Variants in ASS1 observed in about 807,000 individuals in gnomAD.
The protein encoded by ASS1 is argininosuccinate synthase 1, also known as argininosuccinate synthase.
In ASS1, 58 loss-of-function variants were observed where a neutral mutation model predicts 60.5. The ratio of observed to expected loss-of-function variants is 0.96; its 90% CI spans 0.78 to 1.19. ASS1 has a LOEUF of 1.19. ASS1 is among the 50% of genes most tolerant of loss of function. The probability of loss-of-function intolerance (pLI) is 0.00; values close to 1 mark genes in which losing one functional copy is unlikely to be tolerated. For missense variants in ASS1, 454 were observed against 547.3 expected, an observed-to-expected ratio of 0.83 and a Z score of 1.70; for synonymous variants, 200 against 206.9, an observed-to-expected ratio of 0.97 and a Z score of 0.29.
chr9:130,476,470 G>T lies in ASS1; in HGVS notation c.598-401G>T. The T allele has an allele frequency of 3.5e-6, 1 of 287,230 alleles. No homozygotes were observed. The highest frequency in any genetic ancestry group is 2.2e-5 in the African/African-American group (1 of 46,494). The allele number at this position is 287,230 out of a possible 1,614,324, so 17.8% of individuals were successfully genotyped here. A position where few individuals can be genotyped will look rare whatever the true frequency, so the allele number is the denominator to read the frequency against. Reference sequence around the variant, plus strand: ...GGGGTCACAGGCAGTCATTAGCTTTGCGGTCAGTGCAGAATAAACCCCAAT... The same window carrying T: ...GGGGTCACAGGCAGTCATTAGCTTTTCGGTCAGTGCAGAATAAACCCCAAT... On this transcript the variant is annotated intron_variant, in intron 8 of 14. Transcript: ENST00000352480. This position sits in a 1 kb window ranked among gnomAD's most constrained non-coding sequence, Gnocchi z 4.9.
At chr9:130,454,946 C>T (rs1047016308) in intron 3 of ASS1, among the ~76,000 whole-genome samples, 2 of 149,422 alleles carry the variant, frequency 1.3e-5, no homozygotes, top group African/African-American at 4.9e-5. Flanking sequence ...TCCATCCATC[C>T]ATCATCCATC....
At chr9:130,469,220 C>T (rs971287506) in intron 6 of ASS1, among the ~76,000 whole-genome samples, 1 of 152,198 alleles carries the variant, frequency 6.6e-6, no homozygotes, top group Non-Finnish European at 1.5e-5. Flanking sequence ...GCACAGGGTC[C>T]GGGTACCCAT....
At chr9:130,445,965 G>C (rs938657209) in intron 1 of ASS1, among the ~76,000 whole-genome samples, 1 of 152,210 alleles carries the variant, frequency 6.6e-6, no homozygotes, top group Non-Finnish European at 1.5e-5. Context: ...GGGAGAGCTG[G>C]TGAGGCCTTG....
In ASS1 at chr9:130,459,164, G is replaced by A. The variant is rs1470255588; in HGVS notation, c.363+575G>A. On this transcript the variant is annotated intron_variant, in intron 4 of 14. Coordinates refer to ENST00000352480, the MANE Select transcript of ASS1 (RefSeq NM_054012.4). This position sits in a 1 kb window ranked among gnomAD's most constrained non-coding sequence, Gnocchi z 4.6. ...TGGTTCTGGAGGCCTGAGGTCCATA[G>A]TGAGGGCATGGGCAGGGCCACGCAG... Among the ~76,000 whole-genome samples, 1 of 152,184 alleles carries A rather than the reference G, an allele frequency of 6.6e-6. No individual in the cohort carries two copies. The highest frequency in any genetic ancestry group is 1.9e-4 in the East Asian group (1 of 5,186).
intron 1 of ASS1, among the ~76,000 whole-genome samples, chr9:130,449,721 C>G (rs770351054): frequency 2.6e-5 from 4 of 152,176 alleles, no homozygotes; most frequent in Admixed American, 6.5e-5. Flanking sequence ...TTTCCTGACT[C>G]TAAAATGAAG....
At chr9:130,464,283 C>G in intron 5 of ASS1, 116 bp downstream of exon 5, 1 of 1,310,150 alleles carries the variant, frequency 7.6e-7, no homozygotes, top group South Asian at 1.2e-5. Flanking sequence ...TCCTCCGTGG[C>G]AGGGGTGCCC....
chr9:130,486,111 C>T lies in ASS1; in HGVS notation c.839-3222C>T, dbSNP rs368145422. Among the ~76,000 whole-genome samples, 45 of 152,246 alleles carry T rather than the reference C, an allele frequency of 3.0e-4. 1 individual carries two copies. The South Asian group carries it at 9.1e-3, about 31-fold the overall frequency. On this transcript the variant is annotated intron_variant, in intron 11 of 14. Transcript: ENST00000352480. ...CAGCAATCCTCCCACCTAGCATACA[C>T]CACCACACCCAGCTAATTTACCATT...
In ASS1 at chr9:130,459,710, C is replaced by T. The variant is rs990639858; in HGVS notation, c.363+1121C>T. ...TTGGCCTCCCAAAGCACTGGGATTACAGGCGTGGGCCACCATGCCCAGCCT... is the reference window on the plus strand; with the variant it reads ...TTGGCCTCCCAAAGCACTGGGATTATAGGCGTGGGCCACCATGCCCAGCCT... On this transcript the variant is annotated intron_variant, in intron 4 of 14. Coordinates refer to ENST00000352480, the MANE Select transcript of ASS1 (RefSeq NM_054012.4). This position sits in a 1 kb window ranked among gnomAD's most constrained non-coding sequence, Gnocchi z 4.6. 6.6e-6 allele frequency among the ~76,000 whole-genome samples: 1 copy of T among 152,254 alleles called. No individual in the cohort carries two copies. Among genetic ancestry groups the T allele is most frequent in the African/African-American group, 2.4e-5 (1 of 41,468 alleles).
chr9:130,454,278 C>A, intron 2 of ASS1, 27 bp from the exon 3 acceptor site: 1 of 1,603,602 alleles, frequency 6.2e-7, no homozygotes, highest in Non-Finnish European at 8.5e-7. Context: ...CAGGGGCTGA[C>A]GGAGCCTCTC....
chr9:130,479,281 C>CTGTG lies in ASS1; in HGVS notation c.689-414_689-411dup, dbSNP rs376408214. On this transcript the variant is annotated intron_variant, in intron 9 of 14. Transcript: ENST00000352480. Reference sequence around the variant, plus strand: ...TCCGCCTGACAGACGTGGCAGGGGGCTGTGTGTGTGTGTGTGTGTGTGTGA... The same window carrying CTGTG: ...TCCGCCTGACAGACGTGGCAGGGGGCTGTGTGTGTGTGTGTGTGTGTGTGTGTGA... Among the ~76,000 whole-genome samples, 33 of 148,594 alleles carry CTGTG rather than the reference C, an allele frequency of 2.2e-4. No individual in the cohort carries two copies. The East Asian group carries it at 3.0e-3, about 13-fold the overall frequency.
Position 130,471,489 on chromosome 9 carries a change from G to C in ASS1, c.571G>C (p.Glu191Gln). ...MDENLMHISY[E>Q]AGILENPKNQ... ...TCTTTCCTTTCCCCTCCGCAGCTAC[G>C]AGGCTGGAATCCTGGAGAACCCCAA... Residue 191 changes from glutamate (E) to glutamine (Q), a missense_variant, in exon 8 of 15, where the codon GAG becomes CAG. Coordinates refer to ENST00000352480, the MANE Select transcript of ASS1 (RefSeq NM_054012.4). The C allele has an allele frequency of 1.2e-6, 2 of 1,614,132 alleles. No individual in the cohort carries two copies. The highest frequency in any genetic ancestry group is 1.7e-6 in the Non-Finnish European group (2 of 1,180,002).
chr9:130,464,222 G>GCTA, intron 5 of ASS1, 55 bp downstream of exon 5: 1 of 1,576,738 alleles, frequency 6.3e-7, no homozygotes, highest in Non-Finnish European at 8.7e-7. Context: ...AGCACCTGAT[G>GCTA]GGGAGGAGGG....
At chr9:130,485,355 G>A (rs1846283690) in intron 11 of ASS1, among the ~76,000 whole-genome samples, 1 of 152,210 alleles carries the variant, frequency 6.6e-6, no homozygotes, top group Non-Finnish European at 1.5e-5. Flanking sequence ...TTTTCCAGAT[G>A]GGTTGCCTGG....
At position 130,500,972 on chromosome 9, in the gene ASS1, A is replaced by G. The variant is rs776032653; in HGVS notation, c.1194-4A>G. The G allele has an allele frequency of 1.2e-6, 2 of 1,613,680 alleles. No individual in the cohort carries two copies. Among genetic ancestry groups the G allele is most frequent in the Non-Finnish European group, 1.7e-6 (2 of 1,179,726 alleles). Reference sequence around the variant, plus strand: ...TTTTTCTTTGTTTTGAATCTGGTTTACAGGCTGAAGGAATATCATCGTCTC... The same window carrying G: ...TTTTTCTTTGTTTTGAATCTGGTTTGCAGGCTGAAGGAATATCATCGTCTC... On this transcript the variant is annotated splice_polypyrimidine_tract_variant and splice_region_variant and intron_variant, in intron 14 of 14. Coordinates refer to ENST00000352480, the MANE Select transcript of ASS1 (RefSeq NM_054012.4).
At chr9:130,484,141 C>T (rs1846243306) in intron 11 of ASS1, among the ~76,000 whole-genome samples, 3 of 152,202 alleles carry the variant, frequency 2.0e-5, no homozygotes, top group Admixed American at 6.5e-5. Context: ...GGCCCTGGTA[C>T]CTAAGAGGGG....
At chr9:130,457,498 A>T (rs527551980) in intron 3 of ASS1, among the ~76,000 whole-genome samples, 2 of 152,178 alleles carry the variant, frequency 1.3e-5, no homozygotes, top group Non-Finnish European at 2.9e-5. Flanking sequence ...GTTTTCACTC[A>T]GTGTCTCCCT....
In ASS1 at chr9:130,488,151, C is replaced by T. The variant is rs945181835; in HGVS notation, c.839-1182C>T. On this transcript the variant is annotated intron_variant, in intron 11 of 14. Coordinates refer to ENST00000352480, the MANE Select transcript of ASS1 (RefSeq NM_054012.4). The surrounding 1 kb of genome is among the most constrained non-coding windows in gnomAD (Gnocchi z 5.2). ...CCTCGATGGACACCTGGGTTGCTTC[C>T]GCCTCTTGGCTATTGTGATTAATGC... 4.6e-5 allele frequency among the ~76,000 whole-genome samples: 7 copies of T among 152,058 alleles called. No individual in the cohort carries two copies. Among genetic ancestry groups the T allele is most frequent in the South Asian group, 2.1e-4 (1 of 4,808 alleles).
At chr9:130,458,312 G>A in intron 3 of ASS1, 89 bp from the exon 4 acceptor site, 1 of 1,519,756 alleles carries the variant, frequency 6.6e-7, no homozygotes, top group South Asian at 1.1e-5. Flanking sequence ...CCCCGTATAG[G>A]TCTCAGCTAG....
intron 8 of ASS1, among the ~76,000 whole-genome samples, chr9:130,475,180 G>T (rs1845983530): frequency 1.3e-5 from 2 of 152,204 alleles, no homozygotes; most frequent in Non-Finnish European, 2.9e-5. Context: ...GACCACAGGT[G>T]AGCTTCCAAG....
Sources: allele counts gnomAD v4.1 joint callset (sites outside exome capture counted in the v4.1 genomes callset), GRCh38; gene constraint gnomAD v4.1.1; non-coding constraint Gnocchi (gnomAD v3.1); transcripts MANE v1.5; gene names NCBI Gene and HGNC (gene_info 2026-07-23, HGNC 2026-07-21).